SGCE: variants seen among roughly 807,000 people sequenced by gnomAD.
SGCE encodes sarcoglycan epsilon.
In SGCE, 26 loss-of-function variants were observed where a neutral mutation model predicts 57.8. That is an observed-to-expected ratio of 0.45 (90% CI 0.33 to 0.62). The LOEUF (loss-of-function observed/expected upper bound fraction) is 0.62, where lower values mean the gene tolerates loss of function less well. Ranked by LOEUF, SGCE falls within the 20% of genes least tolerant of loss-of-function variation. The pLI is 0.02. For missense variants in SGCE, 468 were observed against 548.6 expected (o/e 0.85, Z 1.47); for synonymous variants, 183 against 189.5 (o/e 0.97, Z 0.28).
intron 9 of SGCE, 85 bp from the exon 10 acceptor site, chr7:94,588,817 A>G: frequency 6.6e-7 from 1 of 1,512,884 alleles, no homozygotes; most frequent in East Asian, 2.3e-5. Context: ...GAAAAACTTT[A>G]CGGGTAAACT....
intron 5 of SGCE, among the ~76,000 whole-genome samples, chr7:94,607,885 T>G (rs1800395756): frequency 1.3e-5 from 2 of 152,364 alleles, no homozygotes; most frequent in South Asian, 4.1e-4. Context: ...TAAAAACTCC[T>G]AAAACTAGTG....
intron 1 of SGCE, among the ~76,000 whole-genome samples, chr7:94,654,566 C>A (rs1808329257): frequency 6.6e-6 from 1 of 152,206 alleles, no homozygotes; most frequent in Admixed American, 6.5e-5. Context: ...GTTTACCCAA[C>A]TTCCTAGGGA....
At chr7:94,587,653 A>G in intron 10 of SGCE, 1 of 1,483,624 alleles carries the variant, frequency 6.7e-7, no homozygotes, top group Non-Finnish European at 8.9e-7. Flanking sequence ...CCAACACATC[A>G]ATATATTGAA....
chr7:94,640,390 C>A (rs541127872), intron 1 of SGCE, among the ~76,000 whole-genome samples: 2 of 152,300 alleles, frequency 1.3e-5, no homozygotes, highest in Admixed American at 1.3e-4. Context: ...AGAAAGTGAT[C>A]TGGAGCAAAT....
chr7:94,633,461 T>G (rs528827153), intron 1 of SGCE, among the ~76,000 whole-genome samples: 31 of 152,250 alleles, frequency 2.0e-4, no homozygotes, highest in African/African-American at 7.2e-4. Context: ...TCCCTAAACA[T>G]AGATCCAATT....
intron 9 of SGCE, chr7:94,589,751 A>T (rs953821984): frequency 2.2e-5 from 4 of 182,634 alleles, no homozygotes; most frequent in South Asian, 1.6e-4. Context: ...ACTGTCCCCC[A>T]TCACCCCCTG....
intron 6 of SGCE, among the ~76,000 whole-genome samples, chr7:94,601,471 A>AAAAAAAAAAAAAC (rs1799252174): frequency 6.7e-6 from 1 of 148,588 alleles, no homozygotes; most frequent in East Asian, 1.9e-4. Flanking sequence ...AAAAAAAAAA[A>AAAAAAAAAAAAAC]AAAAACTACA....
Position 94,610,584 on chromosome 7 carries a change from A to G in SGCE, c.663-7132T>C, listed in dbSNP as rs546135905. 5.3e-5 allele frequency among the ~76,000 whole-genome samples: 8 copies of G among 152,302 alleles called. No individual in the cohort carries two copies. In the East Asian group the frequency reaches 1.5e-3, roughly 29 times the overall value. ...TGAGAAGAAAACAGGTGTAAATATG[A>G]CCTTGGATTAGGCAATGATTCTTAA... On this transcript the variant is annotated intron_variant, in intron 5 of 10. Transcript: ENST00000648936.
intron 3 of SGCE, chr7:94,625,736 T>C (rs999788986): frequency 3.3e-5 from 5 of 152,102 alleles, no homozygotes; most frequent in African/African-American, 1.2e-4. Flanking sequence ...TCACTATTGC[T>C]CTGAACATTC....
intron 1 of SGCE, among the ~76,000 whole-genome samples, chr7:94,652,041 G>A (rs1429098669): frequency 3.9e-5 from 6 of 152,022 alleles, no homozygotes; most frequent in Admixed American, 3.9e-4. Context: ...GAAAAAGCCT[G>A]AATGGAGTGT....
intron 9 of SGCE, chr7:94,597,793 G>C (rs1354548536): frequency 6.6e-6 from 1 of 152,202 alleles, no homozygotes; most frequent in Non-Finnish European, 1.5e-5. Context: ...AGATCACCTA[G>C]GCCAGGATTT....
chr7:94,606,004 T>G (rs947473609), intron 5 of SGCE, among the ~76,000 whole-genome samples: 3 of 151,940 alleles, frequency 2.0e-5, no homozygotes, highest in Non-Finnish European at 4.4e-5. Context: ...AATTTTTGTA[T>G]TTTCGGTAGA....
chr7:94,619,576 C>T (rs1396688896), intron 4 of SGCE: 1 of 152,242 alleles, frequency 6.6e-6, no homozygotes, highest in Non-Finnish European at 1.5e-5. Context: ...ATTTGTTACT[C>T]AAATGCTACT....
intron 10 of SGCE, chr7:94,587,617 A>G (rs939660767): frequency 6.4e-6 from 9 of 1,397,366 alleles, no homozygotes; most frequent in African/African-American, 4.6e-5. Flanking sequence ...TCCTTCATCA[A>G]TCTCCTGAAT....
intron 5 of SGCE, among the ~76,000 whole-genome samples, chr7:94,609,682 T>G (rs1800706608): frequency 6.6e-6 from 1 of 152,184 alleles, no homozygotes; most frequent in Admixed American, 6.5e-5. Context: ...ACACACAGAT[T>G]GGCCAAAATC....
intron 10 of SGCE, chr7:94,587,824 G>A (rs1177479371): frequency 3.9e-6 from 6 of 1,540,700 alleles, no homozygotes; most frequent in Non-Finnish European, 5.3e-6. Context: ...TTAAATTCAC[G>A]AAAGCAGTAA....
At chr7:94,629,450 C>T in intron 2 of SGCE, 2 of 341,678 alleles carry the variant, frequency 5.9e-6, no homozygotes, top group Non-Finnish European at 5.5e-6. Context: ...TAATTATTTC[C>T]ATGTGAATAT....
intron 1 of SGCE, among the ~76,000 whole-genome samples, chr7:94,654,462 C>A (rs757663754): frequency 2.0e-5 from 3 of 152,108 alleles, no homozygotes; most frequent in Non-Finnish European, 4.4e-5. Context: ...AGTACTCTAC[C>A]AAGCATAAGA....
chr7:94,600,624 T>G, intron 7 of SGCE, 22 bp downstream of exon 7: 1 of 1,545,140 alleles, frequency 6.5e-7, no homozygotes, highest in Non-Finnish European at 8.9e-7. Flanking sequence ...TCTAATTATC[T>G]TATTAGTTTT....
Sources: allele counts gnomAD v4.1 joint callset (sites outside exome capture counted in the v4.1 genomes callset), GRCh38; gene constraint gnomAD v4.1.1; transcripts MANE v1.5; gene names NCBI Gene and HGNC (gene_info 2026-07-23, HGNC 2026-07-21).